Variants in CNTN5 observed in about 807,000 individuals in gnomAD.
CNTN5 encodes the protein contactin 5.
A neutral mutation model predicts 129.1 loss-of-function variants in CNTN5; 77 were observed. That is an observed-to-expected ratio of 0.60 (90% CI 0.50 to 0.72). The LOEUF is 0.72. Among genes scored for constraint, CNTN5 ranks in the 30% least tolerant of loss-of-function variants. The pLI is 0.00. For synonymous variants in CNTN5, 509 were observed against 465.6 expected (o/e 1.09, Z -1.20); for missense variants, 1,478 against 1,328.8 (o/e 1.11, Z -1.75).
intron 18 of CNTN5, among the ~76,000 whole-genome samples, chr11:100,290,070 AG>A (rs1950921002): frequency 6.6e-6 from 1 of 150,796 alleles, no homozygotes; most frequent in South Asian, 2.1e-4. Flanking sequence ...GACCTCTTCA[AG>A]GAGAACTACA....
intron 3 of CNTN5, among the ~76,000 whole-genome samples, chr11:99,565,622 T>C (rs181791072): frequency 1.8e-4 from 27 of 152,306 alleles, no homozygotes; most frequent in Non-Finnish European, 2.9e-4. Flanking sequence ...CATTGTCTGC[T>C]CTTTGGGACC....
At chr11:99,814,796 C>T (rs1392187515) in intron 3 of CNTN5, among the ~76,000 whole-genome samples, 1 of 151,980 alleles carries the variant, frequency 6.6e-6, no homozygotes, top group East Asian at 1.9e-4. Context: ...AGTCTGTCTC[C>T]ACCCTGCTAT....
rs752369336 is a variant in CNTN5, at chr11:100,308,402, T to A, written c.2664T>A (p.Ser888=). 1 of 1,611,154 alleles carries A rather than the reference T, an allele frequency of 6.2e-7. No homozygotes were observed. The highest frequency in any genetic ancestry group is 1.7e-5 in the Admixed American group (1 of 59,792). The change falls in exon 21 of 25, where the codon TCT becomes TCA. Residue 888 remains serine (S), a synonymous_variant. Transcript: ENST00000524871. ...CAGATGTCAAGGCGACAAGTGTGTC[T>A]GTGTCAGAGATTCTTGTTGCATGGA... ...APTDVKATSV[S]VSEILVAWKH...
rs148108121 is a variant in CNTN5 at position 99,699,322 on chromosome 11, A to T, written c.56-120222A>T. On this transcript the variant is annotated intron_variant, in intron 3 of 24. Coordinates refer to ENST00000524871, the MANE Select transcript of CNTN5 (RefSeq NM_014361.4). ...TGTTTCTAATGCTTTTAAAATTAACATCTAAAAAACTTTTTAAAAAATCTA... is the reference window on the plus strand; with the variant it reads ...TGTTTCTAATGCTTTTAAAATTAACTTCTAAAAAACTTTTTAAAAAATCTA... Among the ~76,000 whole-genome samples the T allele has an allele frequency of 7.3e-4, 111 of 151,588 alleles. 3 individuals are homozygous for T. The East Asian group carries it at 0.018, about 24-fold the overall frequency.
intron 17 of CNTN5, among the ~76,000 whole-genome samples, chr11:100,270,095 C>T (rs1441875910): frequency 6.6e-6 from 1 of 152,050 alleles, no homozygotes; most frequent in Admixed American, 6.6e-5. Flanking sequence ...CTTCATGTCA[C>T]TGCTTTAAAA....
intron 13 of CNTN5, among the ~76,000 whole-genome samples, chr11:100,142,085 T>TG (rs1946713991): frequency 6.6e-6 from 1 of 152,278 alleles, no homozygotes; most frequent in African/African-American, 2.4e-5. Flanking sequence ...CCAGGCTCTC[T>TG]GGCCTTTGGA....
chr11:99,722,312 T>C (rs1013045585), intron 3 of CNTN5, among the ~76,000 whole-genome samples: 11 of 152,044 alleles, frequency 7.2e-5, no homozygotes, highest in African/African-American at 2.7e-4. Context: ...TAACAAGGAA[T>C]GAGATCATGT....
intron 2 of CNTN5, among the ~76,000 whole-genome samples, chr11:99,372,926 G>A (rs1021092415): frequency 6.6e-6 from 1 of 152,176 alleles, no homozygotes; most frequent in African/African-American, 2.4e-5. Context: ...TTGACAATGA[G>A]GGCTGGGCCC....
At chr11:99,582,503 T>A (rs1208306103) in intron 3 of CNTN5, among the ~76,000 whole-genome samples, 1 of 152,208 alleles carries the variant, frequency 6.6e-6, no homozygotes, top group Non-Finnish European at 1.5e-5. Context: ...AGTGCCATAT[T>A]TCTTGGAGGC....
Position 99,721,364 on chromosome 11 carries a change from CA to C in CNTN5, c.56-98175del, listed in dbSNP as rs569641878. 7.9e-5 allele frequency among the ~76,000 whole-genome samples: 12 copies of C among 152,006 alleles called. No homozygotes were observed. The South Asian group carries it at 1.0e-3, about 13-fold the overall frequency. Reference sequence around the variant, plus strand: ...TCCATCTGATCTTTTACAAAACTGACAAAAACAAGCAATGGGGAAAAGACCC... The same window carrying C: ...TCCATCTGATCTTTTACAAAACTGACAAAACAAGCAATGGGGAAAAGACCC... On this transcript the variant is annotated intron_variant, in intron 3 of 24. Transcript: ENST00000524871.
intron 10 of CNTN5, among the ~76,000 whole-genome samples, chr11:100,063,703 C>A (rs1206411558): frequency 1.2e-5 from 1 of 85,118 alleles, no homozygotes; most frequent in Non-Finnish European, 2.3e-5. Context: ...CTGAACCTGT[C>A]TCTAAAAAAA....
chr11:99,383,461 T>G (rs933839266), intron 2 of CNTN5, among the ~76,000 whole-genome samples: 18 of 152,166 alleles, frequency 1.2e-4, no homozygotes, highest in African/African-American at 4.3e-4. Context: ...AGTTAAGTTG[T>G]TGGTTGTTTT....
chr11:99,462,283 GAAAC>G (rs372753904), intron 2 of CNTN5, among the ~76,000 whole-genome samples: 147 of 151,458 alleles, frequency 9.7e-4, no homozygotes, highest in African/African-American at 3.3e-3. Context: ...GAAAGAGAAA[GAAAC>G]AAGAAACAAT....
chr11:99,208,116 G>T (rs1468082477), intron 1 of CNTN5, among the ~76,000 whole-genome samples: 4 of 152,152 alleles, frequency 2.6e-5, no homozygotes, highest in Non-Finnish European at 1.5e-5. Flanking sequence ...GTCCCTGAAT[G>T]GTCATTGGGT....
At chr11:100,355,599 G>A (rs1189082374) in intron 24 of CNTN5, among the ~76,000 whole-genome samples, 3 of 137,398 alleles carry the variant, frequency 2.2e-5, no homozygotes, top group South Asian at 2.2e-4. Context: ...CCACAAATAC[G>A]TGAGTAACAT....
chr11:100,184,134 T>G (rs767416647), intron 13 of CNTN5, among the ~76,000 whole-genome samples: 1 of 152,190 alleles, frequency 6.6e-6, no homozygotes, highest in Non-Finnish European at 1.5e-5. Context: ...TTCCTGGCAC[T>G]CTCTACTATT....
rs905040250 is a variant in CNTN5, at chr11:99,904,211, T to C, written c.578-11843T>C. Among the ~76,000 whole-genome samples, 4 of 152,264 alleles carry C rather than the reference T, an allele frequency of 2.6e-5. No homozygotes were observed. The South Asian group carries it at 8.3e-4, about 32-fold the overall frequency. ...TTGTAACATAGGTATACACTTGCTA[T>C]GGTGGTTTCCTGCACCCATCAACTC... On this transcript the variant is annotated intron_variant, in intron 6 of 24. Coordinates refer to ENST00000524871, the MANE Select transcript of CNTN5 (RefSeq NM_014361.4).
At chr11:99,035,827 T>C (rs1371324848) in intron 1 of CNTN5, among the ~76,000 whole-genome samples, 3 of 150,416 alleles carry the variant, frequency 2.0e-5, no homozygotes, top group African/African-American at 4.9e-5. Flanking sequence ...TGTTAGCTGG[T>C]TATTTTGCTC....
intron 8 of CNTN5, among the ~76,000 whole-genome samples, chr11:99,995,124 G>A (rs1381451448): frequency 6.6e-6 from 1 of 152,098 alleles, no homozygotes; most frequent in Non-Finnish European, 1.5e-5. Context: ...AAGTAATTGA[G>A]GGAGTTAGCC....
Sources: gnomAD v4.1 joint callset for allele counts (sites outside exome capture counted in the v4.1 genomes callset) on GRCh38, gnomAD v4.1.1 for gene constraint, MANE v1.5 for transcripts, NCBI Gene and HGNC (gene_info 2026-07-23, HGNC 2026-07-21) for gene names.